Variants in QTMAN observed in about 807,000 individuals in gnomAD.
QTMAN encodes queuosine-tRNA mannosyltransferase.
the QTMAN span, among the ~76,000 whole-genome samples, chr2:144,236,238 G>C: frequency 6.6e-6 from 1 of 151,980 alleles, no homozygotes; most frequent in South Asian, 2.1e-4. Context: ...CAGGTTTGGG[G>C]GTTCCCTCCC....
chr2:144,192,781 T>C, the QTMAN span, among the ~76,000 whole-genome samples: 2 of 152,228 alleles, frequency 1.3e-5, no homozygotes, highest in African/African-American at 4.8e-5. Context: ...AAATGACCAA[T>C]TACTATTCGA....
chr2:144,285,035 G>A, the QTMAN span, among the ~76,000 whole-genome samples: 1 of 151,062 alleles, frequency 6.6e-6, no homozygotes, highest in East Asian at 1.9e-4. Context: ...AGCCCAAGAG[G>A]TCAAGGCTGC....
the QTMAN span, among the ~76,000 whole-genome samples, chr2:144,136,343 G>A: frequency 4.2e-5 from 6 of 143,038 alleles, no homozygotes; most frequent in African/African-American, 5.3e-5. Context: ...GAGGGGAGGG[G>A]AGCGGAGGGG....
At chr2:144,326,616 C>G in the QTMAN span, among the ~76,000 whole-genome samples, 3 of 151,228 alleles carry the variant, frequency 2.0e-5, no homozygotes, top group Non-Finnish European at 4.4e-5. Context: ...AACACAGACT[C>G]TCCAGTACTA....
chr2:144,022,608 C>T, the QTMAN span, among the ~76,000 whole-genome samples: 1 of 140,360 alleles, frequency 7.1e-6, no homozygotes, highest in South Asian at 2.4e-4. Flanking sequence ...TCTGTCGCCA[C>T]GCTGGAGTGC....
the QTMAN span, among the ~76,000 whole-genome samples, chr2:144,077,650 C>T: frequency 6.6e-6 from 1 of 152,096 alleles, no homozygotes; most frequent in Non-Finnish European, 1.5e-5. Flanking sequence ...TGTCTATCTA[C>T]ACAAATATAT....
chr2:144,314,517 C>G, the QTMAN span, among the ~76,000 whole-genome samples: 2 of 152,094 alleles, frequency 1.3e-5, no homozygotes, highest in Non-Finnish European at 2.9e-5. Context: ...TCGAGACCAT[C>G]CTGGCTAACA....
chr2:144,140,608 T>C, the QTMAN span, among the ~76,000 whole-genome samples: 5 of 152,090 alleles, frequency 3.3e-5, no homozygotes, highest in South Asian at 1.0e-3. Context: ...ATTCTGAAAA[T>C]TGCTTTGTGA....
chr2:144,136,371 A>G, the QTMAN span, among the ~76,000 whole-genome samples: 1 of 135,688 alleles, frequency 7.4e-6, no homozygotes, highest in Non-Finnish European at 1.6e-5. Flanking sequence ...AGAGAAAAGG[A>G]AAAGGAAAAG....
At chr2:144,106,885 A>G in the QTMAN span, among the ~76,000 whole-genome samples, 2 of 152,348 alleles carry the variant, frequency 1.3e-5, no homozygotes, top group African/African-American at 4.8e-5. Flanking sequence ...ATGTAAAAGA[A>G]CAGAAATTAT....
chr2:143,957,052 A>G, the QTMAN span: 1 of 622,404 alleles, frequency 1.6e-6, no homozygotes, highest in Non-Finnish European at 2.6e-6. Flanking sequence ...ACCAAAAAGT[A>G]TAGTACAGAC....
chr2:144,154,858 A>C, the QTMAN span, among the ~76,000 whole-genome samples: 1 of 152,234 alleles, frequency 6.6e-6, no homozygotes. Flanking sequence ...GACAGGTCCT[A>C]CATCTGTCTT....
chr2:143,999,812 T>G, the QTMAN span, among the ~76,000 whole-genome samples: 1 of 152,102 alleles, frequency 6.6e-6, no homozygotes. Flanking sequence ...TTGCAACAAT[T>G]AGTATGTTTA....
the QTMAN span, among the ~76,000 whole-genome samples, chr2:144,265,539 T>C: frequency 2.0e-5 from 3 of 151,468 alleles, no homozygotes; most frequent in Non-Finnish European, 4.4e-5. Context: ...CTAATAAAAA[T>C]ACAAAAAATT....
At chr2:143,986,505 T>G in the QTMAN span, among the ~76,000 whole-genome samples, 1 of 152,238 alleles carries the variant, frequency 6.6e-6, no homozygotes, top group Non-Finnish European at 1.5e-5. Context: ...AAGTCAATTG[T>G]TCACCAAATC....
the QTMAN span, chr2:143,970,650 T>TTCA: frequency 6.8e-7 from 1 of 1,477,770 alleles, no homozygotes; most frequent in Non-Finnish European, 9.5e-7. Flanking sequence ...TCAACAGAGG[T>TTCA]ACCTGGGACA....
the QTMAN span, among the ~76,000 whole-genome samples, chr2:144,142,702 G>C: frequency 3.9e-5 from 6 of 151,902 alleles, no homozygotes; most frequent in Non-Finnish European, 7.4e-5. Flanking sequence ...GGGCTAGCCA[G>C]AGAAATAGAA....
At chr2:143,960,209 T>C in the QTMAN span, among the ~76,000 whole-genome samples, 1 of 152,072 alleles carries the variant, frequency 6.6e-6, no homozygotes, top group South Asian at 2.1e-4. Flanking sequence ...CTTCTATTAT[T>C]GAAGTATGTA....
At chr2:144,086,999 T>C in the QTMAN span, among the ~76,000 whole-genome samples, 6 of 152,168 alleles carry the variant, frequency 3.9e-5, no homozygotes, top group Non-Finnish European at 7.4e-5. Context: ...TTTGAGATCC[T>C]ATCATTTAAA....
Sources: allele counts gnomAD v4.1 joint callset (sites outside exome capture counted in the v4.1 genomes callset), GRCh38; gene constraint gnomAD v4.1.1; transcripts MANE v1.5; gene names NCBI Gene and HGNC (gene_info 2026-07-23, HGNC 2026-07-21).